Variants in RAI14 observed in about 807,000 individuals in gnomAD.
The protein encoded by RAI14 is ankycorbin.
A neutral mutation model predicts 115.4 loss-of-function variants in RAI14; 45 were observed. That is an observed-to-expected ratio of 0.39 (90% CI 0.31 to 0.50). The LOEUF (loss-of-function observed/expected upper bound fraction) is 0.50, where lower values mean the gene tolerates loss of function less well. RAI14 is among the 20% of genes least tolerant of loss of function. The pLI, the probability that RAI14 is intolerant of heterozygous loss-of-function variation, is 0.85. For missense variants in RAI14, 939 were observed against 1,131.2 expected (o/e 0.83, Z 2.44); for synonymous variants, 371 against 415.4 (o/e 0.89, Z 1.30).
chr5:34,790,733 AGTGTGTATATGGGTGTGTGT>A (rs887392135), intron 3 of RAI14, among the ~76,000 whole-genome samples: 29 of 148,966 alleles, frequency 1.9e-4, no homozygotes, highest in African/African-American at 7.1e-4. Context: ...TAAGATGTAT[AGTGTGTATATGGGTGTGTGT>A]GTGTGTATAT....
intron 3 of RAI14, among the ~76,000 whole-genome samples, chr5:34,790,251 G>A (rs927656850): frequency 6.6e-6 from 1 of 152,186 alleles, no homozygotes. Context: ...AATAAACTGA[G>A]TGAGCCTGCT....
At chr5:34,747,195 A>G (rs1034986055) in intron 2 of RAI14, among the ~76,000 whole-genome samples, 1 of 152,216 alleles carries the variant, frequency 6.6e-6, no homozygotes, top group African/African-American at 2.4e-5. Context: ...ACTATATTGT[A>G]AATGGAGTGA....
chr5:34,690,342 G>T (rs931051307), intron 2 of RAI14, among the ~76,000 whole-genome samples: 2 of 152,176 alleles, frequency 1.3e-5, no homozygotes, highest in Non-Finnish European at 1.5e-5. Context: ...TATTTCTGGG[G>T]GGTAGGAAGA....
chr5:34,783,064 A>G (rs1169287685), intron 3 of RAI14, among the ~76,000 whole-genome samples: 6 of 152,222 alleles, frequency 3.9e-5, no homozygotes, highest in Non-Finnish European at 1.5e-5. Flanking sequence ...CAGATCGATT[A>G]TATCCAGGCA....
intron 3 of RAI14, among the ~76,000 whole-genome samples, chr5:34,779,637 A>G (rs573640426): frequency 1.2e-3 from 186 of 152,312 alleles, no homozygotes; most frequent in African/African-American, 4.2e-3. Context: ...AAAGAGAATA[A>G]AATACCTAGG....
intron 1 of RAI14, among the ~76,000 whole-genome samples, chr5:34,662,879 C>A (rs1048188863): frequency 6.6e-6 from 1 of 151,866 alleles, no homozygotes; most frequent in Admixed American, 6.6e-5. Context: ...CAGGTACATG[C>A]CACCATGCCC....
intron 2 of RAI14, among the ~76,000 whole-genome samples, chr5:34,748,641 G>A (rs185669062): frequency 3.3e-5 from 5 of 151,916 alleles, no homozygotes; most frequent in Admixed American, 1.3e-4. Flanking sequence ...CATTGTTGGC[G>A]TATTTCTGGT....
In RAI14 at chr5:34,678,104, GT is replaced by G. The variant is rs1167105266; in HGVS notation, c.-48-8757del. On this transcript the variant is annotated intron_variant, in intron 1 of 17. Transcript: ENST00000265109. ...GGGATAAAAAATTTTGTTTTGTTTTGTTTTTTTTTTTGAGACACAGTCTCAC... is the reference window on the plus strand; with the variant it reads ...GGGATAAAAAATTTTGTTTTGTTTTGTTTTTTTTTTGAGACACAGTCTCAC... Among the ~76,000 whole-genome samples, 42 of 57,578 alleles carry G rather than the reference GT, an allele frequency of 7.3e-4. No homozygotes were observed. The South Asian group carries it at 0.015, about 20-fold the overall frequency. The allele number at this position is 57,578 out of a possible 152,430, so 37.8% of individuals were successfully genotyped here.
At chr5:34,668,693 A>G (rs1319360417) in intron 1 of RAI14, among the ~76,000 whole-genome samples, 2 of 146,908 alleles carry the variant, frequency 1.4e-5, no homozygotes, top group Non-Finnish European at 3.1e-5. Flanking sequence ...TAAATTGGGA[A>G]AAAAAAACTA....
At chr5:34,688,717 C>T (rs571620493) in intron 2 of RAI14, among the ~76,000 whole-genome samples, 3 of 152,100 alleles carry the variant, frequency 2.0e-5, no homozygotes, top group South Asian at 4.2e-4. Flanking sequence ...TCTCCACATC[C>T]AAATTGTTTC....
chr5:34,733,782 G>C (rs1280094143), intron 2 of RAI14, among the ~76,000 whole-genome samples: 2 of 152,198 alleles, frequency 1.3e-5, no homozygotes, highest in Non-Finnish European at 2.9e-5. Flanking sequence ...TACAGATGCT[G>C]TCCTCTTATT....
intron 2 of RAI14, among the ~76,000 whole-genome samples, chr5:34,696,266 T>G (rs1315667264): frequency 6.6e-6 from 1 of 152,042 alleles, no homozygotes; most frequent in Non-Finnish European, 1.5e-5. Context: ...AGCCTCTGAG[T>G]AGCTGGGACT....
At chr5:34,795,120 A>G (rs1561043928) in intron 3 of RAI14, among the ~76,000 whole-genome samples, 1 of 152,326 alleles carries the variant, frequency 6.6e-6, no homozygotes, top group African/African-American at 2.4e-5. Flanking sequence ...TTCTTTCTGC[A>G]TGCAAAAGTG....
chr5:34,791,224 T>C lies in RAI14; in HGVS notation c.168-4715T>C, dbSNP rs937888955. Among the ~76,000 whole-genome samples, 4 of 152,106 alleles carry C rather than the reference T, an allele frequency of 2.6e-5. No individual in the cohort carries two copies. The highest frequency in any genetic ancestry group is 4.4e-5 in the Non-Finnish European group (3 of 68,028). The stretch of plus-strand genomic sequence containing the variant: ...CTCAAAACCAAGTTACCGTAAAAAG[T>C]TTGAATTTTAATATTTCTTTATTGA... On this transcript the variant is annotated intron_variant, in intron 3 of 17. Transcript: ENST00000265109. This position sits in a 1 kb window ranked among gnomAD's most constrained non-coding sequence, Gnocchi z 5.4.
chr5:34,754,667 A>G (rs1747651239), intron 2 of RAI14, among the ~76,000 whole-genome samples: 1 of 152,186 alleles, frequency 6.6e-6, no homozygotes, highest in South Asian at 2.1e-4. Context: ...CCAAGAGAAA[A>G]GTAAATTCTG....
At position 34,811,771 on chromosome 5, in the gene RAI14, G is replaced by A. The variant is rs1755630831; in HGVS notation, c.562G>A (p.Ala188Thr). The A allele has an allele frequency of 6.2e-7, 1 of 1,611,296 alleles. No homozygotes were observed. The highest frequency in any genetic ancestry group is 1.7e-5 in the Admixed American group (1 of 59,736). The stretch of plus-strand genomic sequence containing the variant: ...TGTGTCTCTTTTTTCCTTTAGAACT[G>A]CTCTCATGCTGGCCTGTGAGATTGG... Reference protein sequence around the residue: ...VNSRNKSGRTALMLACEIGSS... With the variant: ...VNSRNKSGRTTLMLACEIGSS... The change falls in exon 9 of 18, where the codon GCT becomes ACT. Residue 188 changes from alanine to threonine, a missense_variant. Coordinates refer to ENST00000265109, the MANE Select transcript of RAI14 (RefSeq NM_015577.3).
intron 2 of RAI14, among the ~76,000 whole-genome samples, chr5:34,711,248 T>C (rs2149964413): frequency 6.6e-6 from 1 of 152,306 alleles, no homozygotes; most frequent in African/African-American, 2.4e-5. Flanking sequence ...GTGGTGGATT[T>C]TCATTAGTTC....
intron 3 of RAI14, among the ~76,000 whole-genome samples, chr5:34,773,843 G>A (rs1431555600): frequency 3.3e-5 from 5 of 152,182 alleles, no homozygotes; most frequent in East Asian, 3.8e-4. Context: ...ATAAAATGGA[G>A]CTTCCTCAAA....
In RAI14 at chr5:34,665,095, ATATATATGTG is replaced by A. The variant is rs1561220752; in HGVS notation, c.-49+8628_-49+8637del. On this transcript the variant is annotated intron_variant, in intron 1 of 17. Transcript: ENST00000265109. Reference sequence around the variant, plus strand: ...TATATATATGTGTATATATATGTGTATATATATGTGTATATATATGTGTATATATGTATGT... The same window carrying A: ...TATATATATGTGTATATATATGTGTATATATATATGTGTATATATGTATGT... 1.9e-3 allele frequency among the ~76,000 whole-genome samples: 83 copies of A among 43,508 alleles called. 36 individuals carry two copies. In the East Asian group the frequency reaches 0.038, roughly 20 times the overall value. The allele number at this position is 43,508 out of a possible 152,430, so 28.5% of individuals were successfully genotyped here.
Sources: allele counts gnomAD v4.1 joint callset (sites outside exome capture counted in the v4.1 genomes callset), GRCh38; gene constraint gnomAD v4.1.1; non-coding constraint Gnocchi (gnomAD v3.1); transcripts MANE v1.5; gene names NCBI Gene and HGNC (gene_info 2026-07-23, HGNC 2026-07-21).